KAT6B: variants seen among roughly 807,000 people sequenced by gnomAD.
The protein encoded by KAT6B is lysine acetyltransferase 6B, also known as histone acetyltransferase KAT6B.
KAT6B carries 10 observed loss-of-function variants against 187.5 expected under a neutral mutation model. That is an observed-to-expected ratio of 0.05 (90% CI 0.03 to 0.09). KAT6B has a LOEUF of 0.09. KAT6B is among the 10% of genes least tolerant of loss of function. The pLI is 1.00. For missense variants in KAT6B, 1,952 were observed against 2,558.9 expected, an observed-to-expected ratio of 0.76 and a Z score of 5.12; for synonymous variants, 861 against 926.8, an observed-to-expected ratio of 0.93 and a Z score of 1.29.
At chr10:74,963,767 A>C (rs1366749085) in intron 4 of KAT6B, among the ~76,000 whole-genome samples, 1 of 152,210 alleles carries the variant, frequency 6.6e-6, no homozygotes, top group Non-Finnish European at 1.5e-5. Context: ...GACTAGATGC[A>C]GATTGAATCA....
Position 75,030,728 on chromosome 10 carries a change from T to C in KAT6B, c.5904T>C (p.Ser1968=), listed in dbSNP as rs780407505. The change falls in exon 18 of 18, where the codon AGT becomes AGC. Residue 1968 remains serine, a synonymous_variant. Transcript: ENST00000287239. The surrounding 1 kb of genome is among the most constrained non-coding windows in gnomAD (Gnocchi z 4.8). ...TLTMQRGMNM[S]VNLMPAPAYN... ...CGATGCAAAGAGGCATGAACATGAG[T>C]GTGAACCTGATGCCAGCGCCAGCCT... is the stretch of plus-strand genomic sequence containing the variant. 3 of 1,614,070 alleles carry C rather than the reference T, an allele frequency of 1.9e-6. No individual in the cohort carries two copies. In the East Asian group the frequency reaches 6.7e-5, roughly 36 times the overall value.
intron 3 of KAT6B, among the ~76,000 whole-genome samples, chr10:74,854,523 T>C (rs1232579098): frequency 6.6e-6 from 1 of 152,118 alleles, no homozygotes; most frequent in Admixed American, 6.6e-5. Context: ...ATGAGCAATA[T>C]AGACAACATT....
chr10:74,956,024 A>G (rs1316590082), intron 3 of KAT6B, among the ~76,000 whole-genome samples: 1 of 152,120 alleles, frequency 6.6e-6, no homozygotes, highest in Non-Finnish European at 1.5e-5. Context: ...CCTCAGCTCA[A>G]GCCGTCCTCC....
intron 9 of KAT6B, 93 bp downstream of exon 9, chr10:74,977,530 C>G (rs1170130032): frequency 1.4e-6 from 2 of 1,429,480 alleles, no homozygotes; most frequent in Non-Finnish European, 2.0e-6. Flanking sequence ...TAGAGAATCC[C>G]TTTCAACATC....
At chr10:74,888,525 C>T (rs1311667685) in intron 3 of KAT6B, among the ~76,000 whole-genome samples, 1 of 152,024 alleles carries the variant, frequency 6.6e-6, no homozygotes, top group African/African-American at 2.4e-5. Context: ...CACATTAAAG[C>T]AACTAGATAT....
At chr10:75,026,595 C>G (rs1330675600) in intron 17 of KAT6B, among the ~76,000 whole-genome samples, 1 of 151,552 alleles carries the variant, frequency 6.6e-6, no homozygotes, top group South Asian at 2.1e-4. Context: ...ACTTCTTACC[C>G]TGGGTATAGA....
chr10:74,999,727 G>C (rs1843699421), intron 13 of KAT6B, among the ~76,000 whole-genome samples: 1 of 152,178 alleles, frequency 6.6e-6, no homozygotes, highest in South Asian at 2.1e-4. Flanking sequence ...GTAGGTTACT[G>C]TGACCATCTC....
chr10:74,975,345 C>T, intron 7 of KAT6B, 54 bp from the exon 8 acceptor site: 20 of 1,497,180 alleles, frequency 1.3e-5, no homozygotes, highest in Non-Finnish European at 1.8e-5. Context: ...TTTTTAGATA[C>T]CTTTATAATT....
At chr10:74,845,960 T>C (rs761991848) in intron 3 of KAT6B, among the ~76,000 whole-genome samples, 7 of 150,934 alleles carry the variant, frequency 4.6e-5, no homozygotes, top group Non-Finnish European at 1.0e-4. Flanking sequence ...ACCTCCCGGG[T>C]TCAAGTGATG....
At chr10:74,879,974 A>G (rs1167135946) in intron 3 of KAT6B, among the ~76,000 whole-genome samples, 1 of 152,170 alleles carries the variant, frequency 6.6e-6, no homozygotes, top group Non-Finnish European at 1.5e-5. Context: ...AGGCACCTAT[A>G]GCTGAGATCC....
intron 4 of KAT6B, among the ~76,000 whole-genome samples, chr10:74,960,290 T>G (rs1841011124): frequency 6.6e-6 from 1 of 152,166 alleles, no homozygotes; most frequent in African/African-American, 2.4e-5. Context: ...TATATAATAC[T>G]ATACATATTT....
Position 74,879,295 on chromosome 10 carries a change from G to C in KAT6B, c.621+35817G>C, listed in dbSNP as rs1189259318. On this transcript the variant is annotated intron_variant, in intron 3 of 17. Transcript: ENST00000287239. Reference sequence around the variant, plus strand: ...GTGGTTTTCTGGGTTGTAGGACTTTGAGTGCTATAGCCTGGAAAGCCCTAG... The same window carrying C: ...GTGGTTTTCTGGGTTGTAGGACTTTCAGTGCTATAGCCTGGAAAGCCCTAG... Among the ~76,000 whole-genome samples the C allele has an allele frequency of 2.6e-5, 4 of 152,166 alleles. No individual in the cohort carries two copies. In the East Asian group the frequency reaches 7.7e-4, roughly 29 times the overall value.
chr10:74,927,852 T>A (rs1848612896), intron 3 of KAT6B, among the ~76,000 whole-genome samples: 3 of 152,294 alleles, frequency 2.0e-5, no homozygotes. Flanking sequence ...TCTCCAGTGC[T>A]TCTGGATAGA....
At chr10:74,870,104 A>T (rs1012708262) in intron 3 of KAT6B, among the ~76,000 whole-genome samples, 1 of 151,848 alleles carries the variant, frequency 6.6e-6, no homozygotes, top group Non-Finnish European at 1.5e-5. Flanking sequence ...ACTTAGCGAG[A>T]CCCCACCTCT....
intron 13 of KAT6B, among the ~76,000 whole-genome samples, chr10:74,995,599 T>C (rs988616339): frequency 2.0e-5 from 3 of 152,224 alleles, no homozygotes; most frequent in African/African-American, 7.2e-5. Context: ...AAATGTAGCA[T>C]ACTATAGGTA....
chr10:74,853,923 C>G (rs1433572618), intron 3 of KAT6B, among the ~76,000 whole-genome samples: 1 of 152,172 alleles, frequency 6.6e-6, no homozygotes, highest in East Asian at 1.9e-4. Context: ...CCCACCACGC[C>G]CAGCCCATTG....
chr10:74,903,913 G>A (rs1412676506), intron 3 of KAT6B, among the ~76,000 whole-genome samples: 1 of 152,232 alleles, frequency 6.6e-6, no homozygotes, highest in African/African-American at 2.4e-5. Flanking sequence ...CAGGAGGCCA[G>A]CATATTTATT....
chr10:74,979,427 T>C (rs1842370316), intron 10 of KAT6B, 88 bp downstream of exon 10: 1 of 960,814 alleles, frequency 1.0e-6, no homozygotes. Flanking sequence ...GAATTAGGGA[T>C]GATTTTAGGA....
intron 3 of KAT6B, among the ~76,000 whole-genome samples, chr10:74,904,188 C>G (rs1308799982): frequency 1.3e-5 from 2 of 152,210 alleles, no homozygotes. Flanking sequence ...TTTTCAATTA[C>G]AGTGTAACAC....
Sources: allele counts gnomAD v4.1 joint callset (sites outside exome capture counted in the v4.1 genomes callset), GRCh38; gene constraint gnomAD v4.1.1; non-coding constraint Gnocchi (gnomAD v3.1); transcripts MANE v1.5; gene names NCBI Gene and HGNC (gene_info 2026-07-23, HGNC 2026-07-21).